PPP2R2B: variants seen among roughly 807,000 people sequenced by gnomAD.
The protein encoded by PPP2R2B is protein phosphatase 2 regulatory subunit Bbeta.
In PPP2R2B, 5 loss-of-function variants were observed where a neutral mutation model predicts 46.0. The ratio of observed to expected loss-of-function variants is 0.11; its 90% CI spans 0.06 to 0.23. The LOEUF (loss-of-function observed/expected upper bound fraction) is 0.23. PPP2R2B is among the 10% of genes least tolerant of loss of function. PPP2R2B has a pLI of 1.00. For synonymous variants in PPP2R2B, 215 were observed against 206.7 expected (o/e 1.04, Z -0.34); for missense variants, 367 against 575.0 (o/e 0.64, Z 3.70).
intron 1 of PPP2R2B, chr5:146,918,532 A>C (rs948168361): frequency 3.9e-5 from 6 of 152,216 alleles, no homozygotes; most frequent in African/African-American, 9.6e-5. Context: ...AAATCCTTTA[A>C]GGACTTCCCA....
chr5:146,877,891 C>T, intron 2 of PPP2R2B, 111 bp downstream of exon 2: 4 of 1,310,462 alleles, frequency 3.1e-6, no homozygotes, highest in South Asian at 1.4e-5. Context: ...CCCGCCCCAG[C>T]CCTAGGGCCC....
chr5:146,823,332 G>A (rs1758384195), intron 2 of PPP2R2B, among the ~76,000 whole-genome samples: 1 of 151,926 alleles, frequency 6.6e-6, no homozygotes, highest in Non-Finnish European at 1.5e-5. Context: ...TGAGTAGCTG[G>A]GACTACAGGC....
intron 5 of PPP2R2B, among the ~76,000 whole-genome samples, chr5:146,681,016 A>G (rs909441978): frequency 6.6e-6 from 1 of 152,206 alleles, no homozygotes; most frequent in Non-Finnish European, 1.5e-5. Context: ...CTAGGGAAAT[A>G]TTTAAAATAT....
intron 5 of PPP2R2B, among the ~76,000 whole-genome samples, chr5:146,681,983 A>G (rs1446016638): frequency 2.0e-5 from 3 of 152,192 alleles, no homozygotes; most frequent in African/African-American, 7.2e-5. Context: ...TTGAGTGTAC[A>G]TATGGGAGGT....
intron 1 of PPP2R2B, among the ~76,000 whole-genome samples, chr5:146,892,300 C>T (rs1762514167): frequency 6.6e-6 from 1 of 152,152 alleles, no homozygotes; most frequent in African/African-American, 2.4e-5. Context: ...ACATGCCACA[C>T]AGGGGGATCA....
chr5:146,704,900 T>C (rs1003912435), intron 2 of PPP2R2B, among the ~76,000 whole-genome samples: 1 of 152,178 alleles, frequency 6.6e-6, no homozygotes, highest in Admixed American at 6.5e-5. Flanking sequence ...TCATCCCTAG[T>C]CTCTTGCAGT....
intron 2 of PPP2R2B, among the ~76,000 whole-genome samples, chr5:147,068,424 T>A (rs1402157603): frequency 1.3e-5 from 2 of 152,202 alleles, no homozygotes; most frequent in Non-Finnish European, 2.9e-5. Context: ...GTCTTTCTAA[T>A]GCCCTCAAGT....
At position 146,985,493 on chromosome 5, in the gene PPP2R2B, G is replaced by A. The variant is rs140100892; in HGVS notation, c.79+70172C>T. Among the ~76,000 whole-genome samples the A allele has an allele frequency of 3.9e-3, 595 of 152,210 alleles. 2 individuals carry two copies. The highest frequency in any genetic ancestry group is 5.2e-3 in the Non-Finnish European group (352 of 68,010). ...AAATTATTGCCTAAACCAATGTCATGTAGTTTTTCTCCTATAATTTCTTCT... is the reference window on the plus strand; with the variant it reads ...AAATTATTGCCTAAACCAATGTCATATAGTTTTTCTCCTATAATTTCTTCT... On this transcript the variant is annotated intron_variant, in intron 1 of 8. Coordinates refer to the PPP2R2B transcript ENST00000336640.
rs369833055 is a variant in PPP2R2B, at chr5:146,862,473, G to A, written c.70+15529C>T. Among the ~76,000 whole-genome samples the A allele has an allele frequency of 3.6e-4, 55 of 152,248 alleles. 1 individual carries two copies. Among genetic ancestry groups the A allele is most frequent in the African/African-American group, 1.4e-4 (6 of 41,542 alleles). ...CTCAGTTGCCACATTCGTGAAATGG[G>A]GAAAATATCTATAAGCTCATAGGAT... On this transcript the variant is annotated intron_variant, in intron 2 of 9. Coordinates refer to ENST00000394411, the MANE Select transcript of PPP2R2B (RefSeq NM_181675.4).
In PPP2R2B at chr5:147,047,546, C is replaced by G. The variant is rs541064079; in HGVS notation, c.79+8119G>C. Among the ~76,000 whole-genome samples the G allele has an allele frequency of 6.3e-4, 96 of 152,214 alleles. 1 individual carries two copies. The highest frequency in any genetic ancestry group is 2.3e-3 in the African/African-American group (94 of 41,530). Reference sequence around the variant, plus strand: ...AATAATAGCTAATTTTTATTAAGCTCTTAATTTGCACTGGGTAATACACTA... The same window carrying G: ...AATAATAGCTAATTTTTATTAAGCTGTTAATTTGCACTGGGTAATACACTA... On this transcript the variant is annotated intron_variant, in intron 1 of 8. Transcript: ENST00000336640.
At chr5:147,063,413 A>G (rs1036974095) in intron 2 of PPP2R2B, among the ~76,000 whole-genome samples, 1 of 152,172 alleles carries the variant, frequency 6.6e-6, no homozygotes, top group African/African-American at 2.4e-5. Context: ...TATAAAGCAG[A>G]TTTCAGTTGC....
At chr5:146,776,878 C>T (rs186161530) in intron 2 of PPP2R2B, among the ~76,000 whole-genome samples, 1 of 151,844 alleles carries the variant, frequency 6.6e-6, no homozygotes, top group Admixed American at 6.6e-5. Context: ...TACAAATGGC[C>T]AATATGTACA....
chr5:147,051,487 C>T (rs911139768), intron 1 of PPP2R2B, among the ~76,000 whole-genome samples: 3 of 152,072 alleles, frequency 2.0e-5, no homozygotes, highest in African/African-American at 7.2e-5. Flanking sequence ...TTGAAGACAT[C>T]TTCCTAGAAA....
At chr5:146,603,599 G>A (rs1339497195) in intron 7 of PPP2R2B, among the ~76,000 whole-genome samples, 1 of 152,184 alleles carries the variant, frequency 6.6e-6, no homozygotes, top group Non-Finnish European at 1.5e-5. Flanking sequence ...GCACTTTGTA[G>A]TTCATGACAT....
At position 146,780,275 on chromosome 5, in the gene PPP2R2B, T is replaced by C. The variant is rs139272243; in HGVS notation, c.71-79133A>G. ...TGACTGCATGAGTCAATGAATTGATTGTGGGATATTTTATACATTAAATTA... is the reference window on the plus strand; with the variant it reads ...TGACTGCATGAGTCAATGAATTGATCGTGGGATATTTTATACATTAAATTA... On this transcript the variant is annotated intron_variant, in intron 2 of 9. Transcript: ENST00000394411. 4.9e-3 allele frequency among the ~76,000 whole-genome samples: 751 copies of C among 152,318 alleles called. 7 individuals carry two copies. The highest frequency in any genetic ancestry group is 0.017 in the African/African-American group (700 of 41,566).
chr5:146,590,467 G>T (rs937744140), intron 9 of PPP2R2B, among the ~76,000 whole-genome samples: 1 of 149,650 alleles, frequency 6.7e-6, no homozygotes, highest in Admixed American at 6.7e-5. Context: ...ATGAGGGATG[G>T]TGAGAACTCT....
intron 1 of PPP2R2B, among the ~76,000 whole-genome samples, chr5:146,987,067 G>A (rs1465764998): frequency 6.6e-6 from 1 of 152,104 alleles, no homozygotes; most frequent in Non-Finnish European, 1.5e-5. Context: ...AGGTTACACA[G>A]CAAAAACCTT....
chr5:146,995,757 C>G (rs1753895816), intron 1 of PPP2R2B, among the ~76,000 whole-genome samples: 2 of 152,056 alleles, frequency 1.3e-5, no homozygotes, highest in South Asian at 4.1e-4. Flanking sequence ...ATGAGTAAGA[C>G]CAGAACAGGG....
chr5:147,049,765 G>A (rs1191752564), intron 1 of PPP2R2B, among the ~76,000 whole-genome samples: 1 of 152,192 alleles, frequency 6.6e-6, no homozygotes, highest in African/African-American at 2.4e-5. Context: ...GAAGAGGCCT[G>A]CAAAGGCATG....
Sources: allele counts gnomAD v4.1 joint callset (sites outside exome capture counted in the v4.1 genomes callset), GRCh38; gene constraint gnomAD v4.1.1; transcripts MANE v1.5; gene names NCBI Gene and HGNC (gene_info 2026-07-23, HGNC 2026-07-21).